The following TBC1D22A variants were observed in gnomAD, a reference collection of about 807,000 sequenced individuals.
TBC1D22A encodes TBC1 domain family member 22A, also known as putative GTPase activator.
Under a neutral mutation model 60.2 loss-of-function variants are expected in TBC1D22A, and 38 were observed. The ratio of observed to expected loss-of-function variants is 0.63; its 90% CI spans 0.49 to 0.83. The LOEUF is 0.83. TBC1D22A is among the 40% of genes least tolerant of loss of function. The pLI is 0.00. For missense variants in TBC1D22A, 628 were observed against 701.0 expected (o/e 0.90, Z 1.18); for synonymous variants, 302 against 281.7 (o/e 1.07, Z -0.72).
At chr22:46,769,522 C>G (rs552416118) in intron 1 of TBC1D22A, among the ~76,000 whole-genome samples, 1 of 152,302 alleles carries the variant, frequency 6.6e-6, no homozygotes, top group South Asian at 2.1e-4. Context: ...GTGGAATGCT[C>G]ATGTCCTCCT....
intron 1 of TBC1D22A, among the ~76,000 whole-genome samples, chr22:46,778,749 A>G (rs1257087197): frequency 3.5e-5 from 5 of 143,224 alleles, no homozygotes; most frequent in African/African-American, 1.3e-4. Context: ...ATAATGATAA[A>G]AAGTATAGTA....
intron 10 of TBC1D22A, among the ~76,000 whole-genome samples, chr22:47,021,444 C>T (rs1430972635): frequency 6.7e-6 from 1 of 148,408 alleles, no homozygotes. Context: ...CTAGCAGAAC[C>T]TCACCTGTCG....
At chr22:47,078,119 TC>T (rs2064304756) in intron 11 of TBC1D22A, among the ~76,000 whole-genome samples, 2 of 152,214 alleles carry the variant, frequency 1.3e-5, no homozygotes, top group South Asian at 4.2e-4. Context: ...CTGTGTTTGG[TC>T]CCCCTAGACA....
chr22:47,060,550 C>A (rs796875138), intron 11 of TBC1D22A, among the ~76,000 whole-genome samples: 1 of 152,218 alleles, frequency 6.6e-6, no homozygotes, highest in South Asian at 2.1e-4. Context: ...CCTACCTCAG[C>A]CTCCCGAGTA....
intron 11 of TBC1D22A, among the ~76,000 whole-genome samples, chr22:47,070,984 GA>G (rs983847198): frequency 6.6e-6 from 1 of 152,206 alleles, no homozygotes; most frequent in Non-Finnish European, 1.5e-5. Flanking sequence ...CTGTTATTTT[GA>G]ATATACTTAA....
At chr22:47,056,477 G>T (rs1343618209) in intron 11 of TBC1D22A, among the ~76,000 whole-genome samples, 1 of 152,086 alleles carries the variant, frequency 6.6e-6, no homozygotes, top group African/African-American at 2.4e-5. Flanking sequence ...CCTTCCTGAT[G>T]CAGAAGCCAG....
At chr22:47,092,730 G>A (rs544515304) in intron 11 of TBC1D22A, among the ~76,000 whole-genome samples, 31 of 152,226 alleles carry the variant, frequency 2.0e-4, no homozygotes, top group Non-Finnish European at 3.5e-4. Flanking sequence ...TTTTAGCTAA[G>A]TTCAGTCTAC....
At chr22:47,171,528 C>G (rs2068451586) in intron 12 of TBC1D22A, among the ~76,000 whole-genome samples, 1 of 152,208 alleles carries the variant, frequency 6.6e-6, no homozygotes. Context: ...CATGACAGAG[C>G]CTGGGCTTGG....
At chr22:46,998,145 T>C (rs1452026475) in intron 10 of TBC1D22A, among the ~76,000 whole-genome samples, 1 of 152,054 alleles carries the variant, frequency 6.6e-6, no homozygotes, top group African/African-American at 2.4e-5. Context: ...TATAGAAAAA[T>C]TATAGTATGT....
chr22:47,157,183 C>T (rs2067756127), intron 12 of TBC1D22A, among the ~76,000 whole-genome samples: 1 of 152,216 alleles, frequency 6.6e-6, no homozygotes, highest in South Asian at 2.1e-4. Flanking sequence ...ATTATTTCAG[C>T]ATCTGGGAGA....
chr22:47,031,324 C>CTGTTT (rs2062464457), intron 10 of TBC1D22A, among the ~76,000 whole-genome samples: 2 of 152,198 alleles, frequency 1.3e-5, no homozygotes, highest in Admixed American at 6.5e-5. Flanking sequence ...GGCTGCTGAG[C>CTGTTT]CCCCGGCGGG....
chr22:46,883,347 T>C (rs1432257976), intron 5 of TBC1D22A, among the ~76,000 whole-genome samples: 2 of 152,256 alleles, frequency 1.3e-5, no homozygotes, highest in Non-Finnish European at 2.9e-5. Flanking sequence ...AGCATGCTAA[T>C]ACAGCAATTA....
In TBC1D22A at chr22:47,115,637, C is replaced by T. The variant is rs562910372; in HGVS notation, c.1425+4034C>T. On this transcript the variant is annotated intron_variant, in intron 12 of 12. Coordinates refer to ENST00000337137, the MANE Select transcript of TBC1D22A (RefSeq NM_014346.5). ...ACACTGGGGCCCAGCAGGGGTGAGG[C>T]GAGCAGGGACCCTGCTTTCCCTTGG... Among the ~76,000 whole-genome samples the T allele has an allele frequency of 3.9e-5, 6 of 152,286 alleles. No individual in the cohort carries two copies. In the East Asian group the frequency reaches 5.8e-4, roughly 15 times the overall value.
chr22:47,066,538 A>G (rs549341601), intron 11 of TBC1D22A, among the ~76,000 whole-genome samples: 2 of 152,310 alleles, frequency 1.3e-5, no homozygotes, highest in South Asian at 2.1e-4. Flanking sequence ...TGAGGGACCA[A>G]GCGTGTGCGG....
At chr22:46,768,234 C>T (rs2083353482) in intron 1 of TBC1D22A, 1 of 152,496 alleles carries the variant, frequency 6.6e-6, no homozygotes, top group African/African-American at 2.4e-5. Flanking sequence ...CCGGTAATCC[C>T]AGCACTTTGG....
chr22:46,797,550 G>C lies in TBC1D22A; in HGVS notation c.567G>C (p.Ala189=). ...TSDPSTLSSS[A]LSEREASRLD... ...ACCCCAGCACTCTCAGCAGCTCAGC[G>C]CTGAGCGAAAGAGAGGCCTCCCGGC... Residue 189 remains alanine (A), a synonymous_variant, in exon 4 of 13, where the codon GCG becomes GCC. Transcript: ENST00000337137. 1 of 1,613,908 alleles carries C rather than the reference G, an allele frequency of 6.2e-7. No homozygotes were observed. Among genetic ancestry groups the C allele is most frequent in the Middle Eastern group, 1.7e-4 (1 of 6,036 alleles).
intron 4 of TBC1D22A, among the ~76,000 whole-genome samples, chr22:46,812,650 G>A (rs2085430961): frequency 6.6e-6 from 1 of 152,208 alleles, no homozygotes; most frequent in Non-Finnish European, 1.5e-5. Context: ...AGTTGATTGA[G>A]GAATTGGCAG....
chr22:46,767,732 G>T lies in TBC1D22A; in HGVS notation c.62+4884G>T, dbSNP rs75988392. Among the ~76,000 whole-genome samples the T allele has an allele frequency of 6.6e-3, 1,002 of 152,272 alleles. 7 individuals are homozygous for T. Among genetic ancestry groups the T allele is most frequent in the Non-Finnish European group, 0.011 (776 of 68,030 alleles). On this transcript the variant is annotated intron_variant, in intron 1 of 12. Coordinates refer to ENST00000337137, the MANE Select transcript of TBC1D22A (RefSeq NM_014346.5). ...ACATTTGAGGAAAGATTTGCACGAG[G>T]TGAGGGAACAGGCCAACCAGGAGGC...
At position 47,045,065 on chromosome 22, in the gene TBC1D22A, G is replaced by A. The variant is rs1008626711; in HGVS notation, c.1329+7867G>A. 5.3e-5 allele frequency among the ~76,000 whole-genome samples: 8 copies of A among 152,306 alleles called. No homozygotes were observed. In the East Asian group the frequency reaches 1.2e-3, roughly 22 times the overall value. On this transcript the variant is annotated intron_variant, in intron 11 of 12. Transcript: ENST00000337137. ...GCCTCCATGGCCCTTCACATGGGGC[G>A]GTCTCTCCTCTTTGTGGACAAAATG...
Sources: gnomAD v4.1 joint callset for allele counts (sites outside exome capture counted in the v4.1 genomes callset) on GRCh38, gnomAD v4.1.1 for gene constraint, MANE v1.5 for transcripts, NCBI Gene and HGNC (gene_info 2026-07-23, HGNC 2026-07-21) for gene names.